Variants in PDE3A observed in about 807,000 individuals in gnomAD.
PDE3A encodes the protein cGMP-inhibited 3',5'-cyclic phosphodiesterase 3A.
In PDE3A, 43 loss-of-function variants were observed where a neutral mutation model predicts 98.3. That is an observed-to-expected ratio of 0.44 (90% CI 0.34 to 0.56). PDE3A has a LOEUF of 0.56. Among genes scored for constraint, PDE3A ranks in the 20% least tolerant of loss-of-function variants. The pLI is 0.01. For missense variants in PDE3A, 1,427 were observed against 1,440.7 expected (o/e 0.99, Z 0.15); for synonymous variants, 663 against 567.9 (o/e 1.17, Z -2.38).
intron 1 of PDE3A, among the ~76,000 whole-genome samples, chr12:20,484,747 G>A (rs1945695452): frequency 6.6e-6 from 1 of 152,182 alleles, no homozygotes. Flanking sequence ...TGGCTGTAAA[G>A]GGTGAAATCA....
chr12:20,382,109 T>C (rs7312839), intron 1 of PDE3A, among the ~76,000 whole-genome samples: 1 of 151,830 alleles, frequency 6.6e-6, no homozygotes, highest in African/African-American at 2.4e-5. Flanking sequence ...ATAAAAATTA[T>C]TTGGGAAAAC....
chr12:20,644,249 G>A (rs1198292641), intron 10 of PDE3A, among the ~76,000 whole-genome samples: 1 of 152,114 alleles, frequency 6.6e-6, no homozygotes, highest in Non-Finnish European at 1.5e-5. Flanking sequence ...TACAAATCCA[G>A]CATTGATTCT....
chr12:20,444,487 C>T (rs1944921528), intron 1 of PDE3A, among the ~76,000 whole-genome samples: 1 of 152,174 alleles, frequency 6.6e-6, no homozygotes, highest in African/African-American at 2.4e-5. Context: ...GAAGCATAGT[C>T]AATCAGATAA....
chr12:20,380,250 G>T (rs117515582), intron 1 of PDE3A, among the ~76,000 whole-genome samples: 2 of 151,854 alleles, frequency 1.3e-5, no homozygotes, highest in Non-Finnish European at 2.9e-5. Context: ...GTTTGAGATG[G>T]TTGCTTCCAG....
At chr12:20,621,155 GT>G in intron 4 of PDE3A, 140 bp from the exon 5 acceptor site, 2 of 615,314 alleles carry the variant, frequency 3.3e-6, no homozygotes, top group South Asian at 3.9e-5. Flanking sequence ...AAGTACAGTG[GT>G]TCTGTCACTG....
At chr12:20,474,271 T>C (rs1945489238) in intron 1 of PDE3A, among the ~76,000 whole-genome samples, 1 of 152,208 alleles carries the variant, frequency 6.6e-6, no homozygotes, top group Non-Finnish European at 1.5e-5. Context: ...ACTTTATTAT[T>C]GTTGGTTTGT....
intron 1 of PDE3A, among the ~76,000 whole-genome samples, chr12:20,442,980 GTCATGA>G (rs1383122919): frequency 1.3e-5 from 2 of 151,872 alleles, no homozygotes; most frequent in Admixed American, 1.3e-4. Flanking sequence ...TTTAATGGAG[GTCATGA>G]TCATCTTTCA....
intron 1 of PDE3A, among the ~76,000 whole-genome samples, chr12:20,394,215 A>G (rs1215512227): frequency 1.3e-5 from 2 of 152,020 alleles, no homozygotes; most frequent in Non-Finnish European, 2.9e-5. Flanking sequence ...TTTACTTTTG[A>G]CTTTAATTAC....
chr12:20,410,277 C>T (rs1487224603), intron 1 of PDE3A, among the ~76,000 whole-genome samples: 1 of 152,166 alleles, frequency 6.6e-6, no homozygotes, highest in Non-Finnish European at 1.5e-5. Flanking sequence ...CTCAATTGTA[C>T]GTCCCCAAGC....
In PDE3A at chr12:20,687,326, G is replaced by GTAT. The variant is rs2120534990; in HGVS notation, c.*7059_*7061dup. Among the ~76,000 whole-genome samples, 1 of 151,998 alleles carries GTAT rather than the reference G, an allele frequency of 6.6e-6. No homozygotes were observed. Among genetic ancestry groups the GTAT allele is most frequent in the South Asian group, 2.1e-4 (1 of 4,820 alleles). On this transcript the variant is annotated 3_prime_UTR_variant, in exon 16 of 16. Transcript: ENST00000359062. ...TTTAACTATTTATAAGGATAATTTA[G>GTAT]TATTATAGTATTGCTAACTTTAATA...
At chr12:20,548,041 A>G (rs1489105452) in intron 1 of PDE3A, among the ~76,000 whole-genome samples, 1 of 152,136 alleles carries the variant, frequency 6.6e-6, no homozygotes, top group East Asian at 1.9e-4. Context: ...TGATGTAGAA[A>G]TTTATTATTA....
At chr12:20,679,871 A>AAT (rs1250458990) in intron 15 of PDE3A, among the ~76,000 whole-genome samples, 159 bp from the exon 16 acceptor site, 1 of 103,854 alleles carries the variant, frequency 9.6e-6, no homozygotes, top group Non-Finnish European at 1.8e-5. Flanking sequence ...ACAGTATTAT[A>AAT]ATATATATAT....
At chr12:20,592,830 TCA>T (rs1192873879) in intron 2 of PDE3A, among the ~76,000 whole-genome samples, 1 of 151,866 alleles carries the variant, frequency 6.6e-6, no homozygotes, top group Non-Finnish European at 1.5e-5. Context: ...GGTGGGGGAG[TCA>T]CACTTTTCAG....
At chr12:20,607,964 T>C (rs191670352) in intron 2 of PDE3A, among the ~76,000 whole-genome samples, 186 of 152,298 alleles carry the variant, frequency 1.2e-3, no homozygotes, top group African/African-American at 4.3e-3. Flanking sequence ...AATTATATTA[T>C]TTTTTTCAAA....
chr12:20,547,727 A>C (rs1942093377), intron 1 of PDE3A, among the ~76,000 whole-genome samples: 1 of 151,988 alleles, frequency 6.6e-6, no homozygotes, highest in African/African-American at 2.4e-5. Context: ...TCATCCCTTT[A>C]GTAATAGTTG....
At position 20,480,532 on chromosome 12, in the gene PDE3A, C is replaced by A. The variant is rs540329460; in HGVS notation, c.961-76128C>A. On this transcript the variant is annotated intron_variant, in intron 1 of 15. Coordinates refer to ENST00000359062, the MANE Select transcript of PDE3A (RefSeq NM_000921.5). ...TCAAAGAAATAAAATATAGCATTTG[C>A]AAAACACACACACAGAGGATCTTAT... Among the ~76,000 whole-genome samples the A allele has an allele frequency of 2.2e-3, 339 of 152,234 alleles. 3 individuals carry two copies. The highest frequency in any genetic ancestry group is 7.7e-3 in the African/African-American group (319 of 41,540).
At chr12:20,567,034 T>C (rs964507411) in intron 2 of PDE3A, among the ~76,000 whole-genome samples, 8 of 151,998 alleles carry the variant, frequency 5.3e-5, no homozygotes, top group Admixed American at 5.2e-4. Flanking sequence ...TTAGGAAATG[T>C]AATCCTAGGA....
chr12:20,555,888 G>A (rs1470050115), intron 1 of PDE3A, among the ~76,000 whole-genome samples: 1 of 152,086 alleles, frequency 6.6e-6, no homozygotes, highest in Non-Finnish European at 1.5e-5. Context: ...AGCTAATAAC[G>A]TACATAAATT....
At chr12:20,444,425 C>A (rs1385108436) in intron 1 of PDE3A, among the ~76,000 whole-genome samples, 1 of 152,116 alleles carries the variant, frequency 6.6e-6, no homozygotes, top group African/African-American at 2.4e-5. Flanking sequence ...CAAAACCAAA[C>A]CAAATAAAAT....
Sources: allele counts gnomAD v4.1 joint callset (sites outside exome capture counted in the v4.1 genomes callset), GRCh38; gene constraint gnomAD v4.1.1; transcripts MANE v1.5; gene names NCBI Gene and HGNC (gene_info 2026-07-23, HGNC 2026-07-21).